The following NRXN3 variants were observed in gnomAD, a reference collection of about 807,000 sequenced individuals.
The protein encoded by NRXN3 is neurexin III.
In NRXN3, 32 loss-of-function variants were observed where a neutral mutation model predicts 137.6. That is an observed-to-expected ratio of 0.23 (90% CI 0.18 to 0.31). The LOEUF (loss-of-function observed/expected upper bound fraction) is 0.31, where lower values mean the gene tolerates loss of function less well. Ranked by LOEUF, NRXN3 falls within the 10% of genes least tolerant of loss-of-function variation. NRXN3 has a pLI of 1.00. For missense variants in NRXN3, 1,574 were observed against 2,062.5 expected (o/e 0.76, Z 4.59); for synonymous variants, 798 against 784.5 (o/e 1.02, Z -0.29).
At chr14:79,402,719 G>T (rs1270253285) in intron 15 of NRXN3, among the ~76,000 whole-genome samples, 1 of 152,096 alleles carries the variant, frequency 6.6e-6, no homozygotes, top group African/African-American at 2.4e-5. Flanking sequence ...TGTCGGGATG[G>T]GCTTAAACAG....
chr14:78,778,686 CTT>C (rs1555489642), intron 8 of NRXN3, among the ~76,000 whole-genome samples: 1 of 111,878 alleles, frequency 8.9e-6, no homozygotes, highest in Non-Finnish European at 2.0e-5. Flanking sequence ...TCTTTTCTTT[CTT>C]TCTTTCTTTC....
chr14:79,032,078 A>G (rs2099609153), intron 15 of NRXN3, among the ~76,000 whole-genome samples: 1 of 152,218 alleles, frequency 6.6e-6, no homozygotes, highest in Non-Finnish European at 1.5e-5. Flanking sequence ...TCTCTAGTGC[A>G]GGATAAATTT....
chr14:79,787,883 G>A (rs1471492525), intron 19 of NRXN3, among the ~76,000 whole-genome samples: 1 of 152,114 alleles, frequency 6.6e-6, no homozygotes, highest in Admixed American at 6.6e-5. Context: ...AGATCAGAAT[G>A]AGTAATAATC....
chr14:79,457,875 T>C (rs2096277147), intron 15 of NRXN3, among the ~76,000 whole-genome samples: 1 of 152,176 alleles, frequency 6.6e-6, no homozygotes, highest in Non-Finnish European at 1.5e-5. Flanking sequence ...CAAATGTGTA[T>C]GTTCCAAACT....
intron 15 of NRXN3, among the ~76,000 whole-genome samples, chr14:79,107,887 C>A (rs923842633): frequency 5.9e-5 from 9 of 151,996 alleles, no homozygotes; most frequent in Non-Finnish European, 1.0e-4. Context: ...AAAGATTAAT[C>A]CTCACCTAGA....
intron 17 of NRXN3, among the ~76,000 whole-genome samples, chr14:79,686,505 C>T (rs750660201): frequency 6.6e-6 from 1 of 152,054 alleles, no homozygotes; most frequent in Non-Finnish European, 1.5e-5. Context: ...CTCTCAACTC[C>T]CAACCTCTTT....
At chr14:78,502,569 C>T (rs2095899517) in intron 4 of NRXN3, among the ~76,000 whole-genome samples, 1 of 152,144 alleles carries the variant, frequency 6.6e-6, no homozygotes, top group South Asian at 2.1e-4. Context: ...GCTGGAGATG[C>T]ACAAGTCTTG....
chr14:79,477,375 C>G (rs2096569405), intron 16 of NRXN3, among the ~76,000 whole-genome samples: 1 of 152,116 alleles, frequency 6.6e-6, no homozygotes, highest in Non-Finnish European at 1.5e-5. Flanking sequence ...CCAACTAGTT[C>G]TGTAGCCTCG....
At chr14:78,205,043 T>G (rs554606169) in intron 1 of NRXN3, among the ~76,000 whole-genome samples, 1 of 152,184 alleles carries the variant, frequency 6.6e-6, no homozygotes, top group Non-Finnish European at 1.5e-5. Context: ...GCACAGGTAG[T>G]GCAGGAGAAA....
Position 79,400,031 on chromosome 14 carries a change from C to T in NRXN3, c.3263-67190C>T, listed in dbSNP as rs561011662. 3.9e-4 allele frequency among the ~76,000 whole-genome samples: 60 copies of T among 152,276 alleles called. 1 individual carries two copies. Among genetic ancestry groups the T allele is most frequent in the African/African-American group, 1.3e-3 (54 of 41,558 alleles). ...GTGTGCATGTGCACCTGTGTGTGCT[C>T]CTGTCTTTACGTGACCTGATACGAA... On this transcript the variant is annotated intron_variant, in intron 15 of 20. Transcript: ENST00000335750.
chr14:78,497,527 T>C (rs558107547), intron 4 of NRXN3, among the ~76,000 whole-genome samples: 1 of 152,168 alleles, frequency 6.6e-6, no homozygotes, highest in Non-Finnish European at 1.5e-5. Context: ...TTTTATCTGC[T>C]GCTCTGTTTC....
chr14:78,636,210 G>A (rs1451232285), intron 4 of NRXN3, among the ~76,000 whole-genome samples: 1 of 152,084 alleles, frequency 6.6e-6, no homozygotes, highest in Non-Finnish European at 1.5e-5. Context: ...AGAGCATGTG[G>A]CTTTTACTGC....
chr14:78,673,914 C>T (rs1602240693), intron 6 of NRXN3, among the ~76,000 whole-genome samples: 1 of 152,284 alleles, frequency 6.6e-6, no homozygotes, highest in Non-Finnish European at 1.5e-5. Flanking sequence ...AACTAAAGTT[C>T]ACAGTTATCT....
chr14:79,260,512 C>T (rs886064291), intron 15 of NRXN3, among the ~76,000 whole-genome samples: 3 of 152,124 alleles, frequency 2.0e-5, no homozygotes, highest in African/African-American at 7.2e-5. Context: ...CGCACAGCCA[C>T]CCACAACATA....
intron 1 of NRXN3, among the ~76,000 whole-genome samples, chr14:78,205,652 A>G (rs930379790): frequency 6.6e-6 from 1 of 152,132 alleles, no homozygotes; most frequent in African/African-American, 2.4e-5. Flanking sequence ...ATTAGAGACA[A>G]AGATTGCTGA....
In NRXN3 at chr14:79,467,270, C is replaced by T. The variant is rs753064205; in HGVS notation, c.3312C>T (p.Thr1104=). 3 of 1,612,758 alleles carry T rather than the reference C, an allele frequency of 1.9e-6. No homozygotes were observed. In the South Asian group the frequency reaches 3.3e-5, roughly 18 times the overall value. The part of the protein sequence containing the change: ...FGKSGGLILY[T]WPANDRPSTR... ...AAAGTGGTGGGCTTATCCTCTACACCTGGCCAGCCAATGACAGGCCCAGCA... is the reference window on the plus strand; with the variant it reads ...AAAGTGGTGGGCTTATCCTCTACACTTGGCCAGCCAATGACAGGCCCAGCA... Residue 1104 remains threonine, a synonymous_variant, in exon 16 of 21, where the codon ACC becomes ACT. Transcript: ENST00000335750.
chr14:78,772,385 G>T (rs1291713547), intron 8 of NRXN3, among the ~76,000 whole-genome samples: 2 of 152,166 alleles, frequency 1.3e-5, no homozygotes. Context: ...GTAAAATGTT[G>T]ATCCTTGTGT....
intron 15 of NRXN3, chr14:79,246,758 T>C (rs1296673449): frequency 6.6e-6 from 1 of 152,168 alleles, no homozygotes; most frequent in Non-Finnish European, 1.5e-5. Context: ...GCAACAAGGT[T>C]AAAAACTTTT....
At chr14:79,103,561 C>T (rs2051773844) in intron 15 of NRXN3, among the ~76,000 whole-genome samples, 1 of 152,030 alleles carries the variant, frequency 6.6e-6, no homozygotes. Flanking sequence ...AAGTTGGGGC[C>T]AGAGATCCAT....
Sources: allele counts gnomAD v4.1 joint callset (sites outside exome capture counted in the v4.1 genomes callset), GRCh38; gene constraint gnomAD v4.1.1; transcripts MANE v1.5; gene names NCBI Gene and HGNC (gene_info 2026-07-23, HGNC 2026-07-21).